BRPF3: variants seen among roughly 807,000 people sequenced by gnomAD.
The protein encoded by BRPF3 is bromodomain and PHD finger-containing protein 3.
In BRPF3, 18 loss-of-function variants were observed where a neutral mutation model predicts 102.0. The ratio of observed to expected loss-of-function variants is 0.18; its 90% confidence interval spans 0.12 to 0.26. The LOEUF is 0.26. Among genes scored for constraint, BRPF3 ranks in the 10% least tolerant of loss-of-function variants. BRPF3 has a pLI of 1.00. For missense variants in BRPF3, 1,147 were observed against 1,567.8 expected (o/e 0.73, Z 4.53); for synonymous variants, 570 against 614.2 (o/e 0.93, Z 1.06).
Position 36,214,029 on chromosome 6 carries a change from G to A in BRPF3, c.2632G>A (p.Glu878Lys), listed in dbSNP as rs1358350295. ...CAGGTTCCTAAAGCCCAGAAAGGTG[G>A]AAGAAGATGAGCTCTTGGAAAAATC... ...PSRFLKPRKV[E>K]EDELLEKSPL... The change falls in exon 8 of 13, where the codon GAA (glutamate) becomes AAA (lysine). Residue 878 changes from glutamate to lysine, a missense_variant. Coordinates refer to ENST00000357641, the MANE Select transcript of BRPF3 (RefSeq NM_015695.3). 6 of 1,614,032 alleles carry A rather than the reference G, an allele frequency of 3.7e-6. No individual in the cohort carries two copies. The highest frequency in any genetic ancestry group is 1.1e-5 in the South Asian group (1 of 91,086).
Position 36,230,761 on chromosome 6 carries a change from A to G in BRPF3, c.*152A>G, listed in dbSNP as rs1324103212. Reference sequence around the variant, plus strand: ...TTCTCCCCACTAAGGGCAAGGCCCCAGTTTTGACCAATCGCATGGTTCTCC... The same window carrying G: ...TTCTCCCCACTAAGGGCAAGGCCCCGGTTTTGACCAATCGCATGGTTCTCC... On this transcript the variant is annotated 3_prime_UTR_variant, in exon 13 of 13. Transcript: ENST00000357641. This position sits in a 1 kb window ranked among gnomAD's most constrained non-coding sequence, Gnocchi z 5.4. The G allele has an allele frequency of 2.0e-6, 2 of 982,930 alleles. No individual in the cohort carries two copies. The highest frequency in any genetic ancestry group is 1.6e-5 in the African/African-American group (1 of 60,652). The allele number at this position is 982,930 out of a possible 1,614,324, so 60.9% of individuals were successfully genotyped here. A position where few individuals can be genotyped will look rare whatever the true frequency, so the allele number is the denominator to read the frequency against.
Position 36,210,433 on chromosome 6 carries a change from G to A in BRPF3, c.2084G>A (p.Arg695Gln), listed in dbSNP as rs370434927. The part of the protein sequence containing the change: ...LGGAILRHAR[R>Q]QAENIGYDPE... Reference sequence around the variant, plus strand: ...GGGGCCATCCTACGGCACGCCCGGCGGCAGGCAGAGAACATCGGCTATGAC... The same window carrying A: ...GGGGCCATCCTACGGCACGCCCGGCAGCAGGCAGAGAACATCGGCTATGAC... Residue 695 changes from arginine (R) to glutamine (Q), a missense_variant, in exon 6 of 13, where the codon CGG becomes CAG. By Grantham distance (43) the Arg-to-Gln change is conservative. Transcript: ENST00000357641. The surrounding 1 kb of genome is among the most constrained non-coding windows in gnomAD (Gnocchi z 4.7). 5.6e-6 allele frequency: 9 copies of A among 1,612,712 alleles called. No homozygotes were observed. The highest frequency in any genetic ancestry group is 1.6e-4 in the Middle Eastern group (1 of 6,084).
At chr6:36,197,283 T>G (rs1767531248) in intron 1 of BRPF3, 1 of 146,612 alleles carries the variant, frequency 6.8e-6, no homozygotes, top group African/African-American at 2.6e-5. Flanking sequence ...GTCCCGCCCC[T>G]TGAGCGGCCC....
At chr6:36,212,463 T>C (rs1300760912) in intron 7 of BRPF3, among the ~76,000 whole-genome samples, 1 of 152,032 alleles carries the variant, frequency 6.6e-6, no homozygotes, top group Non-Finnish European at 1.5e-5. Context: ...TTTATGTCCA[T>C]TGTGACTCCT....
chr6:36,222,123 A>G, intron 9 of BRPF3, 45 bp from the exon 10 acceptor site: 3 of 1,535,028 alleles, frequency 2.0e-6, no homozygotes, highest in Non-Finnish European at 1.8e-6. Flanking sequence ...CGTTTTAGTC[A>G]TTGAAATTGC....
chr6:36,224,805 C>G (rs1336299193), intron 10 of BRPF3, among the ~76,000 whole-genome samples: 1 of 151,956 alleles, frequency 6.6e-6, no homozygotes, highest in African/African-American at 2.4e-5. Flanking sequence ...GGCCTGTAGC[C>G]TATTTTTGTA....
chr6:36,206,963 C>G (rs1290844177), intron 3 of BRPF3, among the ~76,000 whole-genome samples: 1 of 152,032 alleles, frequency 6.6e-6, no homozygotes, highest in Non-Finnish European at 1.5e-5. Context: ...GTTTTCTAGC[C>G]AAGTGAAAGC....
At chr6:36,227,003 A>G (rs1463083885) in intron 11 of BRPF3, among the ~76,000 whole-genome samples, 2 of 152,250 alleles carry the variant, frequency 1.3e-5, no homozygotes, top group Non-Finnish European at 2.9e-5. Context: ...ATGCAAAAAA[A>G]CTAGTCTAAA....
chr6:36,212,575 A>G (rs77929878), intron 7 of BRPF3, among the ~76,000 whole-genome samples: 103 of 147,718 alleles, frequency 7.0e-4, no homozygotes, highest in African/African-American at 2.4e-3. Context: ...TCACCTAGAA[A>G]AAAAAAAAAA....
chr6:36,229,850 A>G (rs1768875028), intron 12 of BRPF3, among the ~76,000 whole-genome samples: 2 of 152,104 alleles, frequency 1.3e-5, no homozygotes, highest in Non-Finnish European at 2.9e-5. Context: ...CTCATAATCC[A>G]TTTTGCAGAT....
Position 36,200,907 on chromosome 6 carries a change from A to G in BRPF3, c.585A>G (p.Ser195=). ...TGGTAGACCGGCTTGAGAAAGAGTC[A>G]TACTTGGAGAGTCGCAGCAGTGGGG... ...ELLVDRLEKE[S]YLESRSSGAQ... The change falls in exon 2 of 13, where the codon TCA becomes TCG. Residue 195 remains serine (S), a synonymous_variant. Coordinates refer to ENST00000357641, the MANE Select transcript of BRPF3 (RefSeq NM_015695.3). This position sits in a 1 kb window ranked among gnomAD's most constrained non-coding sequence, Gnocchi z 5.3. 6.2e-7 allele frequency: 1 copy of G among 1,614,206 alleles called. No homozygotes were observed. Among genetic ancestry groups the G allele is most frequent in the Non-Finnish European group, 8.5e-7 (1 of 1,180,048 alleles).
intron 2 of BRPF3, among the ~76,000 whole-genome samples, chr6:36,203,527 G>C (rs989311090): frequency 1.3e-5 from 2 of 152,198 alleles, no homozygotes; most frequent in African/African-American, 4.8e-5. Context: ...ACATTGGTCG[G>C]GATCTGTCCT....
chr6:36,212,032 T>G (rs552196399), intron 7 of BRPF3, among the ~76,000 whole-genome samples: 1 of 152,306 alleles, frequency 6.6e-6, no homozygotes, highest in African/African-American at 2.4e-5. Flanking sequence ...GACCCTGGGC[T>G]TTTGAGCCAC....
intron 11 of BRPF3, among the ~76,000 whole-genome samples, chr6:36,226,319 A>G (rs1768737896): frequency 6.6e-6 from 1 of 152,232 alleles, no homozygotes; most frequent in Admixed American, 6.5e-5. Flanking sequence ...TTTCTGTCAT[A>G]GTAGTAGCAG....
chr6:36,204,050 A>C (rs148503103), intron 2 of BRPF3, among the ~76,000 whole-genome samples: 83 of 152,314 alleles, frequency 5.4e-4, no homozygotes, highest in African/African-American at 1.7e-3. Flanking sequence ...TAGTTTAGCC[A>C]GCTGGGTTTT....
At chr6:36,197,123 C>G (rs1253491729) in intron 1 of BRPF3, 153 bp downstream of exon 1, 5 of 152,340 alleles carry the variant, frequency 3.3e-5, no homozygotes, top group Non-Finnish European at 7.3e-5. Flanking sequence ...GCGAGGGCGG[C>G]GGCAGGGAAG....
At chr6:36,212,590 A>G (rs1768164574) in intron 7 of BRPF3, among the ~76,000 whole-genome samples, 1 of 151,938 alleles carries the variant, frequency 6.6e-6, no homozygotes, top group Non-Finnish European at 1.5e-5. Flanking sequence ...AAAAAAAAAA[A>G]AAAAGGTGTA....
Position 36,211,559 on chromosome 6 carries a change from A to T in BRPF3, c.2481A>T (p.Arg827Ser), listed in dbSNP as rs1213832579. Residue 827 changes from arginine to serine, a missense_variant and splice_region_variant, in exon 7 of 13, where the codon AGA becomes AGT. Around this residue, in one of 11 missense-constraint regions of BRPF3, gnomAD observed 379 missense variants for 426.3 expected, o/e 0.89. Transcript: ENST00000357641. Reference protein sequence around the residue: ...LQEEPEDDGDRDDSKLPPPPT... With the variant: ...LQEEPEDDGDSDDSKLPPPPT... Reference sequence around the variant, plus strand: ...AGGAGCCAGAAGACGATGGGGACAGAGGTGAGAGATAGTCACAGGCAGGCA... The same window carrying T: ...AGGAGCCAGAAGACGATGGGGACAGTGGTGAGAGATAGTCACAGGCAGGCA... 4.5e-6 allele frequency: 7 copies of T among 1,551,620 alleles called. No homozygotes were observed. The highest frequency in any genetic ancestry group is 6.1e-6 in the Non-Finnish European group (7 of 1,146,598).
rs1311851613 is a variant in BRPF3 at position 36,230,518 on chromosome 6, G to A, written c.3527G>A (p.Arg1176His). The A allele has an allele frequency of 2.5e-6, 4 of 1,614,062 alleles. No individual in the cohort carries two copies. The highest frequency in any genetic ancestry group is 3.4e-6 in the Non-Finnish European group (4 of 1,180,012). ...KMLEGRKTSI[R>H]KSVQVAYDRA... ...CTGGAAGGCCGCAAGACCAGCATCCGCAAGTCAGTGCAGGTGGCCTATGAC... is the reference window on the plus strand; with the variant it reads ...CTGGAAGGCCGCAAGACCAGCATCCACAAGTCAGTGCAGGTGGCCTATGAC... Residue 1176 changes from arginine (R) to histidine (H), a missense_variant, in exon 13 of 13, where the codon CGC becomes CAC. By Grantham distance (29) the Arg-to-His change is conservative. Coordinates refer to ENST00000357641, the MANE Select transcript of BRPF3 (RefSeq NM_015695.3). The surrounding 1 kb of genome is among the most constrained non-coding windows in gnomAD (Gnocchi z 5.4).
Sources: allele counts gnomAD v4.1 joint callset (sites outside exome capture counted in the v4.1 genomes callset), GRCh38; gene constraint gnomAD v4.1.1; regional missense constraint gnomAD v4.1.1; non-coding constraint Gnocchi (gnomAD v3.1); transcripts MANE v1.5; gene names NCBI Gene and HGNC (gene_info 2026-07-23, HGNC 2026-07-21).